The following ERP29 variants were observed in gnomAD, a reference collection of about 807,000 sequenced individuals.
ERP29 encodes endoplasmic reticulum resident protein 29.
ERP29 carries 14 observed loss-of-function variants against 21.7 expected under a neutral mutation model. The ratio of observed to expected loss-of-function variants is 0.64; its 90% CI spans 0.43 to 1.01. ERP29 has a LOEUF of 1.01. Ranked by LOEUF, ERP29 falls within the 50% of genes least tolerant of loss-of-function variation. The pLI, the probability that ERP29 is intolerant of heterozygous loss-of-function variation, is 0.00. For synonymous variants in ERP29, 129 were observed against 139.1 expected, an observed-to-expected ratio of 0.93 and a Z score of 0.51; for missense variants, 286 against 327.3, an observed-to-expected ratio of 0.87 and a Z score of 0.97.
chr12:112,020,131 C>T lies in ERP29; in HGVS notation c.283+237C>T, dbSNP rs140691040. On this transcript the variant is annotated intron_variant, in intron 2 of 2. Coordinates refer to ENST00000261735, the MANE Select transcript of ERP29 (RefSeq NM_006817.4). ...CAGGTGCCTGAAGGGAAGGGAACCCCTCTTCCTTCACATTCCACCCCTCTC... is the reference window on the plus strand; with the variant it reads ...CAGGTGCCTGAAGGGAAGGGAACCCTTCTTCCTTCACATTCCACCCCTCTC... 1.4e-3 allele frequency among the ~76,000 whole-genome samples: 213 copies of T among 152,234 alleles called. 2 individuals carry two copies. Among genetic ancestry groups the T allele is most frequent in the African/African-American group, 4.6e-3 (193 of 41,540 alleles).
chr12:112,018,358 G>C (rs1404005475), intron 1 of ERP29, among the ~76,000 whole-genome samples: 1 of 151,702 alleles, frequency 6.6e-6, no homozygotes, highest in Non-Finnish European at 1.5e-5. Context: ...GGCTGGTCTT[G>C]AACTTCTAGC....
At chr12:112,019,629 T>C in intron 1 of ERP29, 127 bp from the exon 2 acceptor site, 1 of 1,077,226 alleles carries the variant, frequency 9.3e-7, no homozygotes, top group South Asian at 1.3e-5. Context: ...TAAATATTAG[T>C]TTGTGAGAGC....
Position 112,023,060 on chromosome 12 carries a change from G to A in ERP29, c.*408G>A, listed in dbSNP as rs569813335. The A allele has an allele frequency of 6.0e-6, 1 of 167,818 alleles. No homozygotes were observed. The highest frequency in any genetic ancestry group is 5.8e-5 in the Admixed American group (1 of 17,138). 10.4% of individuals were successfully genotyped at this position (167,818 alleles called of 1,614,324 possible). ...GACCTGCTTTCCTCTTTGAATCTAA[G>A]CTGGTATAGACTCCACTTTCCCAGG... On this transcript the variant is annotated 3_prime_UTR_variant, in exon 3 of 3. Coordinates refer to ENST00000261735, the MANE Select transcript of ERP29 (RefSeq NM_006817.4).
intron 1 of ERP29, among the ~76,000 whole-genome samples, chr12:112,018,230 C>CT (rs1403061895): frequency 6.6e-6 from 1 of 152,072 alleles, no homozygotes; most frequent in Non-Finnish European, 1.5e-5. Context: ...ACTATAACCT[C>CT]TAACTCCTAG....
At chr12:112,016,376 A>G (rs577106001) in intron 1 of ERP29, among the ~76,000 whole-genome samples, 117 of 152,118 alleles carry the variant, frequency 7.7e-4, no homozygotes, top group Non-Finnish European at 1.4e-3. Context: ...TCCCTTCACC[A>G]TCACTAGAAT....
At chr12:112,020,024 C>T (rs2078036494) in intron 2 of ERP29, 130 bp downstream of exon 2, 6 of 1,147,442 alleles carry the variant, frequency 5.2e-6, no homozygotes, top group Non-Finnish European at 7.5e-6. Context: ...TAAACAGGTT[C>T]ATGGTCTCTA....
At chr12:112,022,070 C>G (rs1411427152) in intron 2 of ERP29, 80 bp from the exon 3 acceptor site, 2 of 1,422,960 alleles carry the variant, frequency 1.4e-6, no homozygotes, top group Non-Finnish European at 1.9e-6. Context: ...TTCTTTCCCT[C>G]AGTTCAGCTA....
chr12:112,019,066 A>C (rs1354721878), intron 1 of ERP29: 2 of 154,042 alleles, frequency 1.3e-5, no homozygotes, highest in African/African-American at 4.8e-5. Flanking sequence ...GGCACTAGAT[A>C]GTAACCTCTA....
Position 112,022,779 on chromosome 12 carries a change from C to A in ERP29, c.*127C>A. 1 of 913,798 alleles carries A rather than the reference C, an allele frequency of 1.1e-6. No individual in the cohort carries two copies. The highest frequency in any genetic ancestry group is 1.6e-6 in the Non-Finnish European group (1 of 610,180). 56.6% of individuals were successfully genotyped at this position (913,798 alleles called of 1,614,324 possible). A position where few individuals can be genotyped will look rare whatever the true frequency, so the allele number is the denominator to read the frequency against. On this transcript the variant is annotated 3_prime_UTR_variant, in exon 3 of 3. Coordinates refer to ENST00000261735, the MANE Select transcript of ERP29 (RefSeq NM_006817.4). ...AGTGGTACTAACCCACGATTCTGAGCCCTGAGTATGCCTGGACATTGATGC... is the reference window on the plus strand; with the variant it reads ...AGTGGTACTAACCCACGATTCTGAGACCTGAGTATGCCTGGACATTGATGC...
At chr12:112,022,025 C>G in intron 2 of ERP29, 125 bp from the exon 3 acceptor site, 1 of 870,122 alleles carries the variant, frequency 1.1e-6, no homozygotes, top group Non-Finnish European at 1.8e-6. Context: ...TATGGTTGCT[C>G]CTCACTTTGA....
intron 1 of ERP29, among the ~76,000 whole-genome samples, chr12:112,014,369 C>A (rs2077981687): frequency 6.6e-6 from 1 of 152,232 alleles, no homozygotes. Flanking sequence ...TGCTTCTTAT[C>A]AGAATCTAAT....
intron 1 of ERP29, 59 bp from the exon 2 acceptor site, chr12:112,019,697 G>A (rs561877378): frequency 3.7e-6 from 6 of 1,609,612 alleles, no homozygotes; most frequent in Admixed American, 3.3e-5. Flanking sequence ...CCCTTGGGAA[G>A]GGGAATTAGC....
intron 1 of ERP29, among the ~76,000 whole-genome samples, chr12:112,015,751 A>G (rs759054840): frequency 6.6e-6 from 1 of 151,968 alleles, no homozygotes; most frequent in African/African-American, 2.4e-5. Context: ...CCCTGCTTCC[A>G]CTCTTGAGTC....
intron 2 of ERP29, among the ~76,000 whole-genome samples, chr12:112,020,711 A>G (rs1241381585): frequency 6.6e-6 from 1 of 152,204 alleles, no homozygotes; most frequent in African/African-American, 2.4e-5. Flanking sequence ...AACTTCAGGT[A>G]ACTCCCTTGG....
chr12:112,018,237 C>A (rs2078025364), intron 1 of ERP29, among the ~76,000 whole-genome samples: 1 of 152,022 alleles, frequency 6.6e-6, no homozygotes, highest in African/African-American at 2.4e-5. Context: ...CCTCTAACTC[C>A]TAGGCACAAG....
chr12:112,022,927 T>G lies in ERP29; in HGVS notation c.*275T>G, dbSNP rs937204732. Reference sequence around the variant, plus strand: ...CTATAGAGAGGAGAGAGGAGTGTACTGCCCAGGTCTTTGACAGATGTAATT... The same window carrying G: ...CTATAGAGAGGAGAGAGGAGTGTACGGCCCAGGTCTTTGACAGATGTAATT... On this transcript the variant is annotated 3_prime_UTR_variant, in exon 3 of 3. Transcript: ENST00000261735. 7.4e-5 allele frequency: 27 copies of G among 364,928 alleles called. No individual in the cohort carries two copies. Among genetic ancestry groups the G allele is most frequent in the Middle Eastern group, 7.3e-4 (1 of 1,374 alleles). The allele number at this position is 364,928 out of a possible 1,614,324, so 22.6% of individuals were successfully genotyped here. A position where few individuals can be genotyped will look rare whatever the true frequency, so the allele number is the denominator to read the frequency against.
intron 1 of ERP29, chr12:112,015,158 T>C (rs1396751069): frequency 7.1e-6 from 1 of 140,292 alleles, no homozygotes; most frequent in East Asian, 2.1e-4. Flanking sequence ...CACTCCAGCC[T>C]GGGCGACAGA....
chr12:112,020,698 C>T (rs1258354169), intron 2 of ERP29, among the ~76,000 whole-genome samples: 1 of 152,168 alleles, frequency 6.6e-6, no homozygotes, highest in African/African-American at 2.4e-5. Flanking sequence ...TCAGATTTGA[C>T]TCAACTTCAG....
chr12:112,014,805 C>T (rs925110170), intron 1 of ERP29: 3 of 152,258 alleles, frequency 2.0e-5, no homozygotes, highest in Non-Finnish European at 4.4e-5. Context: ...AAGTAGTTGT[C>T]TCCAGTGGTT....
Sources: allele counts gnomAD v4.1 joint callset (sites outside exome capture counted in the v4.1 genomes callset), GRCh38; gene constraint gnomAD v4.1.1; transcripts MANE v1.5; gene names NCBI Gene and HGNC (gene_info 2026-07-23, HGNC 2026-07-21).